MSI2: variants seen among roughly 807,000 people sequenced by gnomAD.
MSI2 encodes RNA-binding protein Musashi homolog 2.
MSI2 carries 17 observed loss-of-function variants against 45.6 expected under a neutral mutation model. The observed-to-expected ratio is 0.37, with a 90% CI of 0.26 to 0.56. The LOEUF (loss-of-function observed/expected upper bound fraction) is 0.56, where lower values mean the gene tolerates loss of function less well. MSI2 is among the 20% of genes least tolerant of loss of function. The pLI, the probability that MSI2 is intolerant of heterozygous loss-of-function variation, is 0.77. For missense variants in MSI2, 293 were observed against 444.2 expected, an observed-to-expected ratio of 0.66 and a Z score of 3.06; for synonymous variants, 156 against 158.2, an observed-to-expected ratio of 0.99 and a Z score of 0.11.
chr17:57,449,178 C>T (rs1598282416), intron 6 of MSI2: 1 of 152,306 alleles, frequency 6.6e-6, no homozygotes, highest in South Asian at 2.1e-4. Flanking sequence ...AATACTGTGT[C>T]CTGTGTGAAT....
chr17:57,256,667 CGGAGCCG>C lies in MSI2; in HGVS notation c.-74_-68del. ...AGGAGGGAGCGGAGATCTCGGGGCT[CGGAGCCG>C]GCCGCCGCTCCGCTCCGATCGCTGT... On this transcript the variant is annotated 5_prime_UTR_variant, in exon 1 of 14. Coordinates refer to ENST00000284073, the MANE Select transcript of MSI2 (RefSeq NM_138962.4). 1 of 633,302 alleles carries C rather than the reference CGGAGCCG, an allele frequency of 1.6e-6. No homozygotes were observed. 39.2% of individuals were successfully genotyped at this position (633,302 alleles called of 1,614,324 possible).
At chr17:57,348,576 C>A (rs1168057206) in intron 5 of MSI2, among the ~76,000 whole-genome samples, 1 of 152,188 alleles carries the variant, frequency 6.6e-6, no homozygotes, top group Non-Finnish European at 1.5e-5. Flanking sequence ...TCTTCCCTCT[C>A]CTTCTTGCCC....
intron 10 of MSI2, among the ~76,000 whole-genome samples, chr17:57,647,283 A>T (rs1910742455): frequency 7.0e-6 from 1 of 143,282 alleles, no homozygotes; most frequent in Non-Finnish European, 1.5e-5. Context: ...ACAAAAAAAA[A>T]AAAAAAAAAA....
At chr17:57,450,255 T>TAAAGAAAG (rs6146104) in intron 6 of MSI2, 44 of 76,058 alleles carry the variant, frequency 5.8e-4, no homozygotes, top group Non-Finnish European at 7.6e-4. Context: ...TTCCCCAGCT[T>TAAAGAAAG]AAAGAAAGAA....
At chr17:57,390,087 A>AG (rs970764376) in intron 5 of MSI2, among the ~76,000 whole-genome samples, 15 of 151,692 alleles carry the variant, frequency 9.9e-5, no homozygotes, top group South Asian at 4.2e-4. Flanking sequence ...AAAAAAAAAA[A>AG]AAAGAAAGAA....
At chr17:57,327,971 T>C (rs994540401) in intron 5 of MSI2, among the ~76,000 whole-genome samples, 2 of 152,204 alleles carry the variant, frequency 1.3e-5, no homozygotes, top group African/African-American at 4.8e-5. Flanking sequence ...GTAGCTCAGA[T>C]GTTTTTGGCT....
intron 6 of MSI2, among the ~76,000 whole-genome samples, chr17:57,469,644 G>A (rs1019846298): frequency 6.6e-6 from 1 of 152,216 alleles, no homozygotes; most frequent in Admixed American, 6.5e-5. Flanking sequence ...CCTCTATCCA[G>A]AGCATGGAGA....
intron 6 of MSI2, among the ~76,000 whole-genome samples, chr17:57,438,147 G>A (rs2084724907): frequency 6.6e-6 from 1 of 152,164 alleles, no homozygotes; most frequent in Non-Finnish European, 1.5e-5. Context: ...GGTGGGGTGG[G>A]GCAGGTGGTT....
intron 5 of MSI2, among the ~76,000 whole-genome samples, chr17:57,391,820 G>A (rs1039072796): frequency 6.6e-6 from 1 of 152,210 alleles, no homozygotes; most frequent in South Asian, 2.1e-4. Context: ...AGAAATGCAC[G>A]ACTTCCTCGC....
At chr17:57,678,420 A>T (rs1032154873) in intron 13 of MSI2, among the ~76,000 whole-genome samples, 1 of 152,210 alleles carries the variant, frequency 6.6e-6, no homozygotes, top group African/African-American at 2.4e-5. Context: ...ACCCAGAGGA[A>T]GTAAGGTTTC....
intron 6 of MSI2, among the ~76,000 whole-genome samples, chr17:57,458,882 C>T (rs1302403864): frequency 1.3e-5 from 2 of 152,204 alleles, no homozygotes; most frequent in East Asian, 1.9e-4. Context: ...GTCCCTGCTC[C>T]GCGGTTGCTG....
chr17:57,449,341 A>C (rs1231364825), intron 6 of MSI2: 1 of 151,686 alleles, frequency 6.6e-6, no homozygotes, highest in African/African-American at 2.4e-5. Flanking sequence ...GATCTTCCAC[A>C]CTCTGGAATT....
intron 6 of MSI2, among the ~76,000 whole-genome samples, chr17:57,467,731 G>C (rs1485105707): frequency 6.6e-6 from 1 of 152,086 alleles, no homozygotes; most frequent in African/African-American, 2.4e-5. Flanking sequence ...CTGGTCCTAG[G>C]GAATCCCGAC....
intron 10 of MSI2, among the ~76,000 whole-genome samples, chr17:57,636,590 G>C (rs1306835474): frequency 3.3e-5 from 5 of 152,244 alleles, no homozygotes; most frequent in Non-Finnish European, 7.3e-5. Context: ...AGTTCAGTGA[G>C]AGCACAGAGT....
chr17:57,409,882 C>A (rs531366974), intron 6 of MSI2, among the ~76,000 whole-genome samples: 219 of 151,934 alleles, frequency 1.4e-3, no homozygotes, highest in Admixed American at 3.1e-3. Flanking sequence ...GTGGTGGGCA[C>A]CTGTAATCCC....
intron 6 of MSI2, among the ~76,000 whole-genome samples, chr17:57,446,514 G>A (rs1567828312): frequency 6.6e-6 from 1 of 152,224 alleles, no homozygotes; most frequent in Non-Finnish European, 1.5e-5. Context: ...TGGTCTCAAT[G>A]TTAAAGGTGC....
chr17:57,296,526 T>C (rs983507675), intron 5 of MSI2, among the ~76,000 whole-genome samples: 1 of 152,196 alleles, frequency 6.6e-6, no homozygotes, highest in South Asian at 2.1e-4. Flanking sequence ...TCTTTGACGA[T>C]AGGGAGAAGG....
At chr17:57,637,421 A>T (rs1270496897) in intron 10 of MSI2, among the ~76,000 whole-genome samples, 1 of 152,172 alleles carries the variant, frequency 6.6e-6, no homozygotes, top group African/African-American at 2.4e-5. Flanking sequence ...GCACTTAATA[A>T]ACGTTTGCAG....
At chr17:57,510,378 T>C (rs2086326225) in intron 6 of MSI2, among the ~76,000 whole-genome samples, 1 of 150,714 alleles carries the variant, frequency 6.6e-6, no homozygotes, top group Non-Finnish European at 1.5e-5. Flanking sequence ...CGTGAGCTCC[T>C]AAATAATGTT....
Sources: allele counts gnomAD v4.1 joint callset (sites outside exome capture counted in the v4.1 genomes callset), GRCh38; gene constraint gnomAD v4.1.1; transcripts MANE v1.5; gene names NCBI Gene and HGNC (gene_info 2026-07-23, HGNC 2026-07-21).